The following HS3ST5 variants were observed in gnomAD, a reference collection of about 807,000 sequenced individuals.
The protein encoded by HS3ST5 is heparan sulfate glucosamine 3-O-sulfotransferase 5.
In HS3ST5, 10 loss-of-function variants were observed where a neutral mutation model predicts 25.4. The ratio of observed to expected loss-of-function variants is 0.39; its 90% confidence interval spans 0.24 to 0.67. The LOEUF (loss-of-function observed/expected upper bound fraction) is 0.67, where lower values mean the gene tolerates loss of function less well. Among genes scored for constraint, HS3ST5 ranks in the 30% least tolerant of loss-of-function variants. The pLI is 0.44. For missense variants in HS3ST5, 324 were observed against 420.7 expected (o/e 0.77, Z 2.01); for synonymous variants, 170 against 162.4 (o/e 1.05, Z -0.36).
At chr6:114,325,362 T>G (rs1776132496) in intron 1 of HS3ST5, among the ~76,000 whole-genome samples, 1 of 152,200 alleles carries the variant, frequency 6.6e-6, no homozygotes, top group African/African-American at 2.4e-5. Flanking sequence ...TCTAGCCCAA[T>G]ATTGATCAAA....
At chr6:114,178,852 G>A (rs1779838749) in intron 2 of HS3ST5, 2 of 149,864 alleles carry the variant, frequency 1.3e-5, no homozygotes, top group South Asian at 4.2e-4. Context: ...CTGGAGTTGG[G>A]AAAAGTTGGC....
chr6:114,130,040 A>G (rs1777250591), intron 3 of HS3ST5, among the ~76,000 whole-genome samples: 1 of 152,244 alleles, frequency 6.6e-6, no homozygotes, highest in South Asian at 2.1e-4. Context: ...AAATGAAAAT[A>G]CAAACAAAGG....
At position 114,175,072 on chromosome 6, in the gene HS3ST5, T is replaced by A. The variant is rs540633604; in HGVS notation, c.-144-6610A>T. Among the ~76,000 whole-genome samples, 16 of 152,138 alleles carry A rather than the reference T, an allele frequency of 1.1e-4. No individual in the cohort carries two copies. In the South Asian group the frequency reaches 3.3e-3, roughly 32 times the overall value. On this transcript the variant is annotated intron_variant, in intron 2 of 4. Coordinates refer to ENST00000312719, the MANE Select transcript of HS3ST5 (RefSeq NM_153612.4). ...CTGGAATGCCATGCTAAGATTTGAG[T>A]TTAAGATACAGACTTCTAATGGTAA...
At chr6:114,123,094 C>T (rs1291031683) in intron 3 of HS3ST5, among the ~76,000 whole-genome samples, 3 of 152,174 alleles carry the variant, frequency 2.0e-5, no homozygotes, top group Non-Finnish European at 2.9e-5. Flanking sequence ...GCTGGGATTA[C>T]AGGCATGCGC....
intron 3 of HS3ST5, among the ~76,000 whole-genome samples, chr6:114,076,534 G>A (rs534893859): frequency 2.5e-4 from 38 of 152,226 alleles, no homozygotes; most frequent in African/African-American, 9.1e-4. Flanking sequence ...CAATCCTCTT[G>A]TCCTAAGACA....
intron 3 of HS3ST5, among the ~76,000 whole-genome samples, chr6:114,104,306 A>G (rs776452530): frequency 6.6e-6 from 1 of 152,190 alleles, no homozygotes; most frequent in Non-Finnish European, 1.5e-5. Context: ...TATAAATTAA[A>G]TTAGGTCTCA....
chr6:114,242,751 G>C (rs1332796908), intron 1 of HS3ST5, among the ~76,000 whole-genome samples: 1 of 151,872 alleles, frequency 6.6e-6, no homozygotes, highest in Non-Finnish European at 1.5e-5. Context: ...TACTCGGGAG[G>C]CTGAGGCAGG....
At chr6:114,232,337 C>T (rs989417594) in intron 1 of HS3ST5, among the ~76,000 whole-genome samples, 1 of 152,138 alleles carries the variant, frequency 6.6e-6, no homozygotes, top group East Asian at 1.9e-4. Flanking sequence ...CACTTTTTCC[C>T]TTATTTCCAT....
At chr6:114,260,955 A>G (rs1462641987) in intron 1 of HS3ST5, among the ~76,000 whole-genome samples, 1 of 152,208 alleles carries the variant, frequency 6.6e-6, no homozygotes, top group Non-Finnish European at 1.5e-5. Context: ...TCTAGATGCA[A>G]TATGTGAGAC....
At chr6:114,275,466 T>G (rs1371966909) in intron 1 of HS3ST5, among the ~76,000 whole-genome samples, 1 of 152,030 alleles carries the variant, frequency 6.6e-6, no homozygotes, top group Admixed American at 6.6e-5. Context: ...AAAAAGGGAA[T>G]GATTTAAGTG....
At chr6:114,319,391 A>G (rs112701094) in intron 1 of HS3ST5, among the ~76,000 whole-genome samples, 96 of 152,278 alleles carry the variant, frequency 6.3e-4, no homozygotes, top group African/African-American at 2.1e-3. Flanking sequence ...TGACTCTTAT[A>G]TAGTACAGCT....
At chr6:114,238,147 C>G (rs760633217) in intron 1 of HS3ST5, among the ~76,000 whole-genome samples, 3 of 152,196 alleles carry the variant, frequency 2.0e-5, no homozygotes, top group Admixed American at 6.5e-5. Flanking sequence ...TTACTGAAGA[C>G]GCTGCTTGAT....
chr6:114,114,972 A>G (rs1375713854), intron 3 of HS3ST5, among the ~76,000 whole-genome samples: 1 of 152,124 alleles, frequency 6.6e-6, no homozygotes, highest in Non-Finnish European at 1.5e-5. Flanking sequence ...GACAGTGTTC[A>G]TATGGTTCAG....
chr6:114,245,142 A>G (rs1476531657), intron 1 of HS3ST5, among the ~76,000 whole-genome samples: 1 of 152,198 alleles, frequency 6.6e-6, no homozygotes, highest in Admixed American at 6.5e-5. Context: ...ACATATCTAC[A>G]GTTTGCAATT....
chr6:114,167,841 G>C (rs780025643), intron 3 of HS3ST5, among the ~76,000 whole-genome samples: 1 of 152,178 alleles, frequency 6.6e-6, no homozygotes, highest in Non-Finnish European at 1.5e-5. Context: ...CTGGAAGAAA[G>C]GAAATAATGG....
chr6:114,282,740 T>C (rs1029959772), intron 1 of HS3ST5, among the ~76,000 whole-genome samples: 2 of 152,018 alleles, frequency 1.3e-5, no homozygotes. Context: ...TCCCCTTTCT[T>C]CCATTATTAA....
At chr6:114,250,407 C>T (rs1326406437) in intron 1 of HS3ST5, among the ~76,000 whole-genome samples, 1 of 151,990 alleles carries the variant, frequency 6.6e-6, no homozygotes, top group Non-Finnish European at 1.5e-5. Context: ...CGGTGAAACC[C>T]CGTCTCTACT....
At chr6:114,126,723 T>G (rs1406154268) in intron 3 of HS3ST5, among the ~76,000 whole-genome samples, 1 of 152,064 alleles carries the variant, frequency 6.6e-6, no homozygotes, top group African/African-American at 2.4e-5. Context: ...TTAAAGGGGT[T>G]TCTAGAGGAT....
intron 1 of HS3ST5, among the ~76,000 whole-genome samples, chr6:114,328,959 TTAAA>T (rs1396321027): frequency 1.4e-4 from 22 of 152,068 alleles, no homozygotes; most frequent in Admixed American, 3.3e-4. Flanking sequence ...AAGTTTGAAG[TTAAA>T]TAGTTTTTTT....
Sources: allele counts gnomAD v4.1 joint callset (sites outside exome capture counted in the v4.1 genomes callset), GRCh38; gene constraint gnomAD v4.1.1; transcripts MANE v1.5; gene names NCBI Gene and HGNC (gene_info 2026-07-23, HGNC 2026-07-21).